Variants in C4orf51 observed in about 807,000 individuals in gnomAD.
C4orf51 encodes uncharacterized protein C4orf51.
A neutral mutation model predicts 25.2 loss-of-function variants in C4orf51; 25 were observed. That is an observed-to-expected ratio of 0.99 (90% CI 0.72 to 1.39). The LOEUF is 1.39. Ranked by LOEUF, C4orf51 falls within the 40% of genes most tolerant of loss-of-function variation. The probability of loss-of-function intolerance (pLI) is 0.00; values close to 1 mark genes in which losing one functional copy is unlikely to be tolerated. For synonymous variants in C4orf51, 100 were observed against 84.5 expected, an observed-to-expected ratio of 1.18 and a Z score of -1.01; for missense variants, 252 against 239.6, an observed-to-expected ratio of 1.05 and a Z score of -0.34.
chr4:145,707,000 G>A (rs55790753), intron 2 of C4orf51, among the ~76,000 whole-genome samples: 1 of 152,098 alleles, frequency 6.6e-6, no homozygotes, highest in Non-Finnish European at 1.5e-5. Flanking sequence ...ATTTTTAATA[G>A]AGACGGGGTT....
intron 1 of C4orf51, among the ~76,000 whole-genome samples, chr4:145,748,854 A>G (rs868578708): frequency 1.3e-5 from 2 of 152,056 alleles, no homozygotes; most frequent in African/African-American, 4.8e-5. Context: ...GCCATTGGAT[A>G]TAATGTTCTA....
chr4:145,771,428 A>G (rs936643464), downstream of C4orf51, among the ~76,000 whole-genome samples: 2 of 152,178 alleles, frequency 1.3e-5, no homozygotes, highest in Non-Finnish European at 2.9e-5. Context: ...TTTGGTGTCA[A>G]TGTGAGGTGA....
intron 2 of C4orf51, among the ~76,000 whole-genome samples, chr4:145,711,227 T>A (rs1731111452): frequency 6.6e-6 from 1 of 152,204 alleles, no homozygotes; most frequent in Non-Finnish European, 1.5e-5. Context: ...AGTCCTCTTT[T>A]GTTGAGGTGC....
rs956158419 is a variant in C4orf51 at position 145,761,234 on chromosome 4, G to A, written n.167-9754G>A. 1.6e-6 allele frequency: 2 copies of A among 1,289,888 alleles called. No individual in the cohort carries two copies. The highest frequency in any genetic ancestry group is 2.0e-6 in the Non-Finnish European group (2 of 988,884). The allele number at this position is 1,289,888 out of a possible 1,614,324, so 79.9% of individuals were successfully genotyped here. A position where few individuals can be genotyped will look rare whatever the true frequency, so the allele number is the denominator to read the frequency against. On this transcript the variant is annotated intron_variant and non_coding_transcript_variant, in intron 1 of 1. Transcript: ENST00000510096. The surrounding 1 kb of genome is among the most constrained non-coding windows in gnomAD (Gnocchi z 6.8). ...ACGTGGCGGCTGAAGACGAAAGGGTGTGTGGTCTTGAACAGGCACTCTTCG... is the reference window on the plus strand; with the variant it reads ...ACGTGGCGGCTGAAGACGAAAGGGTATGTGGTCTTGAACAGGCACTCTTCG...
chr4:145,764,813 G>T, intron 1 of C4orf51: 1 of 789,570 alleles, frequency 1.3e-6, no homozygotes, highest in Non-Finnish European at 2.1e-6. Context: ...ACACCCTAGG[G>T]GGACAGGTCT....
At chr4:145,684,309 C>T (rs566205890) in intron 1 of C4orf51, among the ~76,000 whole-genome samples, 183 of 152,084 alleles carry the variant, frequency 1.2e-3, no homozygotes, top group Non-Finnish European at 1.4e-3. Context: ...GGTGAAACCC[C>T]GTCTCTACTA....
chr4:145,789,028 G>C, the C4orf51 span, among the ~76,000 whole-genome samples: 1 of 152,332 alleles, frequency 6.6e-6, no homozygotes, highest in Non-Finnish European at 1.5e-5. Flanking sequence ...CATAGTTCTA[G>C]ACAATGAGAT....
At chr4:145,787,437 G>A in the C4orf51 span, among the ~76,000 whole-genome samples, 3 of 150,076 alleles carry the variant, frequency 2.0e-5, no homozygotes, top group South Asian at 2.1e-4. Context: ...ACTCCAGCCC[G>A]GGTGACAGAG....
chr4:145,705,370 G>A lies in C4orf51; in HGVS notation c.307+8738G>A, dbSNP rs1318974094. Among the ~76,000 whole-genome samples, 5 of 152,262 alleles carry A rather than the reference G, an allele frequency of 3.3e-5. No homozygotes were observed. The East Asian group carries it at 7.7e-4, about 23-fold the overall frequency. ...AGCAATCACCTGACCATAACCTGAT[G>A]GTTGCCTGACATTCCTGGTCTGTAT... is the stretch of plus-strand genomic sequence containing the variant. On this transcript the variant is annotated intron_variant, in intron 2 of 5. Transcript: ENST00000438731.
chr4:145,768,474 A>G (rs1053234520), intron 1 of C4orf51, among the ~76,000 whole-genome samples: 31 of 152,114 alleles, frequency 2.0e-4, no homozygotes, highest in African/African-American at 4.1e-4. Context: ...CTAAAGATGT[A>G]CATTATAAAC....
the C4orf51 span, among the ~76,000 whole-genome samples, chr4:145,781,428 T>C: frequency 3.3e-3 from 500 of 151,998 alleles, 2 homozygotes; most frequent in African/African-American, 9.8e-3. Context: ...TGTCTGGAAA[T>C]GGGAGGAGGG....
chr4:145,740,361 A>G (rs138978542), intron 1 of C4orf51, among the ~76,000 whole-genome samples: 10 of 151,800 alleles, frequency 6.6e-5, no homozygotes, highest in Non-Finnish European at 8.8e-5. Flanking sequence ...TTCAAATGCT[A>G]TATTTTCCAT....
At chr4:145,731,831 C>T (rs566478649) in intron 5 of C4orf51, among the ~76,000 whole-genome samples, 1 of 152,048 alleles carries the variant, frequency 6.6e-6, no homozygotes, top group African/African-American at 2.4e-5. Flanking sequence ...ATCTGCCCAC[C>T]TCGGCCTCCC....
At chr4:145,787,551 GT>G in the C4orf51 span, among the ~76,000 whole-genome samples, 1 of 151,828 alleles carries the variant, frequency 6.6e-6, no homozygotes, top group East Asian at 1.9e-4. Flanking sequence ...AGATGTAAGA[GT>G]TAACAGCCTT....
downstream of C4orf51, among the ~76,000 whole-genome samples, chr4:145,755,345 A>G (rs1294447800): frequency 6.6e-6 from 1 of 152,236 alleles, no homozygotes; most frequent in Non-Finnish European, 1.5e-5. Context: ...ACCACCTATA[A>G]AGAATTGTGT....
chr4:145,736,929 C>T (rs1732834791), downstream of C4orf51, among the ~76,000 whole-genome samples: 2 of 152,140 alleles, frequency 1.3e-5, no homozygotes, highest in Admixed American at 1.3e-4. Context: ...ATAGTGGCCT[C>T]CCTGCCACAC....
intron 1 of C4orf51, among the ~76,000 whole-genome samples, chr4:145,739,616 A>G (rs546666628): frequency 3.5e-4 from 53 of 152,394 alleles, no homozygotes; most frequent in Non-Finnish European, 6.5e-4. Context: ...AGCACTAAAA[A>G]CAATTGTTAA....
chr4:145,680,207 T>C lies in C4orf51; in HGVS notation c.4T>C (p.Ser2Pro). 1 of 1,608,796 alleles carries C rather than the reference T, an allele frequency of 6.2e-7. No homozygotes were observed. The highest frequency in any genetic ancestry group is 8.5e-7 in the Non-Finnish European group (1 of 1,175,204). ...TCCAGAGAGGCCGTTCGTAGTTATG[T>C]CACACTACTTCTACTTGACTCCACA... M[S>P]HYFYLTPQIL... The change falls in exon 1 of 6, where the codon TCA (serine) becomes CCA (proline). Residue 2 changes from serine to proline, a missense_variant. Transcript: ENST00000438731.
rs148435816 is a variant in C4orf51, at chr4:145,769,896, C to A, written n.167-1092C>A. Reference sequence around the variant, plus strand: ...TGAAACCATAAAAAAAATTACCAATCATCTTGCTTCCTCAATACAGACACT... The same window carrying A: ...TGAAACCATAAAAAAAATTACCAATAATCTTGCTTCCTCAATACAGACACT... On this transcript the variant is annotated intron_variant and non_coding_transcript_variant, in intron 1 of 1. Coordinates refer to the C4orf51 transcript ENST00000510096. 1.8e-4 allele frequency among the ~76,000 whole-genome samples: 28 copies of A among 152,352 alleles called. No homozygotes were observed. The East Asian group carries it at 5.0e-3, about 27-fold the overall frequency.
Sources: allele counts gnomAD v4.1 joint callset (sites outside exome capture counted in the v4.1 genomes callset), GRCh38; gene constraint gnomAD v4.1.1; non-coding constraint Gnocchi (gnomAD v3.1); transcripts MANE v1.5; gene names NCBI Gene and HGNC (gene_info 2026-07-23, HGNC 2026-07-21).